METTL15: variants seen among roughly 807,000 people sequenced by gnomAD.
METTL15 encodes methyltransferase 15, mitochondrial 12S rRNA N4-cytidine.
A neutral mutation model predicts 38.3 loss-of-function variants in METTL15; 34 were observed. That is an observed-to-expected ratio of 0.89 (90% CI 0.68 to 1.18). The LOEUF (loss-of-function observed/expected upper bound fraction) is 1.18. METTL15 is among the 50% of genes most tolerant of loss of function. METTL15 has a pLI of 0.00. For synonymous variants in METTL15, 162 were observed against 170.9 expected (o/e 0.95, Z 0.41); for missense variants, 438 against 498.4 (o/e 0.88, Z 1.15).
chr11:28,243,725 G>T (rs546177674), intron 4 of METTL15, among the ~76,000 whole-genome samples: 49 of 152,158 alleles, frequency 3.2e-4, no homozygotes, highest in Non-Finnish European at 5.1e-4. Flanking sequence ...TCTTAACTAT[G>T]CAAATCCTAA....
Position 28,467,136 on chromosome 11 carries a change from C to T in METTL15, c.*424+42772C>T, listed in dbSNP as rs559405493. Among the ~76,000 whole-genome samples the T allele has an allele frequency of 2.6e-5, 4 of 152,246 alleles. No individual in the cohort carries two copies. In the East Asian group the frequency reaches 7.8e-4, roughly 30 times the overall value. ...TTATTTCAGTTGCTGCAGAGGGCAT[C>T]TCATCGAGGAGGCACTGCGGAAAAG... On this transcript the variant is annotated intron_variant and NMD_transcript_variant, in intron 6 of 7. Transcript: ENST00000532947.
At chr11:28,297,545 G>A (rs775163074) in intron 6 of METTL15, among the ~76,000 whole-genome samples, 1 of 151,976 alleles carries the variant, frequency 6.6e-6, no homozygotes, top group Non-Finnish European at 1.5e-5. Flanking sequence ...CTGCTATTTC[G>A]CTATTCACCA....
intron 6 of METTL15, chr11:28,328,228 GT>G (rs1180588713): frequency 1.3e-6 from 2 of 1,501,698 alleles, no homozygotes; most frequent in Non-Finnish European, 1.8e-6. Flanking sequence ...AGACCTGGTT[GT>G]TGGAAGATAA....
rs537528847 is a variant in METTL15 at position 28,137,240 on chromosome 11, A to C, written c.270+23636A>C. Among the ~76,000 whole-genome samples the C allele has an allele frequency of 2.0e-3, 300 of 152,302 alleles. 1 individual carries two copies. Among genetic ancestry groups the C allele is most frequent in the African/African-American group, 6.0e-3 (249 of 41,570 alleles). ...AGTTAATCAATATGTTCTCATATAGAATTTCTTTTGGAAGATTAATTTTTA... is the reference window on the plus strand; with the variant it reads ...AGTTAATCAATATGTTCTCATATAGCATTTCTTTTGGAAGATTAATTTTTA... On this transcript the variant is annotated intron_variant, in intron 3 of 6. Coordinates refer to ENST00000407364, the MANE Select transcript of METTL15 (RefSeq NM_001113528.2).
chr11:28,364,994 A>G (rs1850172315), intron 5 of METTL15, among the ~76,000 whole-genome samples: 1 of 152,072 alleles, frequency 6.6e-6, no homozygotes, highest in Non-Finnish European at 1.5e-5. Context: ...ATTTGTGTTT[A>G]TTGAACCAAC....
chr11:28,188,776 T>C (rs893718282), intron 3 of METTL15, among the ~76,000 whole-genome samples: 5 of 151,214 alleles, frequency 3.3e-5, no homozygotes, highest in African/African-American at 9.7e-5. Flanking sequence ...CCAAAGCCAA[T>C]GTAAATGGTA....
chr11:28,285,110 T>C (rs1329582763), intron 4 of METTL15, among the ~76,000 whole-genome samples: 2 of 152,118 alleles, frequency 1.3e-5, no homozygotes, highest in African/African-American at 4.8e-5. Flanking sequence ...GTGAAGAAGG[T>C]GCCTGCTTCC....
intron 5 of METTL15, among the ~76,000 whole-genome samples, chr11:28,392,610 G>T (rs34470137): frequency 0.41 from 61,577 of 151,890 alleles, 14,285 homozygotes; most frequent in Admixed American, 0.52. Flanking sequence ...TGATTTATTG[G>T]ATATAATAAC....
intron 6 of METTL15, among the ~76,000 whole-genome samples, chr11:28,491,526 G>A (rs1851494485): frequency 6.6e-6 from 1 of 152,086 alleles, no homozygotes; most frequent in African/African-American, 2.4e-5. Flanking sequence ...TGACTCTGCT[G>A]ATAAACAGGG....
intron 4 of METTL15, among the ~76,000 whole-genome samples, chr11:28,289,634 A>T (rs1180066522): frequency 2.0e-5 from 3 of 152,122 alleles, no homozygotes; most frequent in Non-Finnish European, 4.4e-5. Context: ...TCACTTCAGA[A>T]TCCCTGCTGA....
chr11:28,251,374 T>G (rs1461528438), intron 4 of METTL15, among the ~76,000 whole-genome samples: 1 of 152,150 alleles, frequency 6.6e-6, no homozygotes, highest in East Asian at 1.9e-4. Context: ...GCTGCTAACT[T>G]TAGGTTGAAC....
At chr11:28,191,555 A>C (rs191825511) in intron 3 of METTL15, among the ~76,000 whole-genome samples, 13 of 151,660 alleles carry the variant, frequency 8.6e-5, no homozygotes, top group Middle Eastern at 3.4e-3. Context: ...ATCTTTATAT[A>C]AAACTGTACA....
At chr11:28,459,879 T>C (rs971411128) in intron 6 of METTL15, among the ~76,000 whole-genome samples, 1 of 152,122 alleles carries the variant, frequency 6.6e-6, no homozygotes, top group Non-Finnish European at 1.5e-5. Flanking sequence ...CTTATGTGTA[T>C]GTAGAGAAAT....
At chr11:28,180,619 A>G (rs1158265866) in intron 3 of METTL15, among the ~76,000 whole-genome samples, 8 of 151,804 alleles carry the variant, frequency 5.3e-5, no homozygotes, top group African/African-American at 1.7e-4. Flanking sequence ...ACTTCTCTTC[A>G]ACCTTTCTTT....
intron 3 of METTL15, among the ~76,000 whole-genome samples, chr11:28,184,303 T>G (rs1166176327): frequency 6.6e-6 from 1 of 152,202 alleles, no homozygotes; most frequent in African/African-American, 2.4e-5. Flanking sequence ...TTCTGCTAGC[T>G]TTTGAAACTG....
rs72884037 is a variant in METTL15, at chr11:28,522,800, C to T, written c.*425-3678C>T. ...GAATTAAGCAGAGTAAACATGAGAC[C>T]GTGAGATCAGGAGGAAAGCTACATA... On this transcript the variant is annotated intron_variant and NMD_transcript_variant, in intron 6 of 7. Coordinates refer to the METTL15 transcript ENST00000532947. Among the ~76,000 whole-genome samples, 545 of 152,146 alleles carry T rather than the reference C, an allele frequency of 3.6e-3. 3 individuals are homozygous for T. The highest frequency in any genetic ancestry group is 5.6e-3 in the Non-Finnish European group (384 of 67,996).
At chr11:28,151,571 C>T (rs1195727215) in intron 3 of METTL15, among the ~76,000 whole-genome samples, 1 of 151,948 alleles carries the variant, frequency 6.6e-6, no homozygotes, top group Admixed American at 6.6e-5. Context: ...TTTGCACTTG[C>T]TTCTGTCCAT....
chr11:28,368,394 C>T lies in METTL15; in HGVS notation c.*358+6358C>T, dbSNP rs1021002941. 1.4e-4 allele frequency among the ~76,000 whole-genome samples: 22 copies of T among 151,880 alleles called. 1 individual carries two copies. Among genetic ancestry groups the T allele is most frequent in the African/African-American group, 4.8e-4 (20 of 41,444 alleles). ...GACATTTATGCAGCCAACAGACATA[C>T]GAAAAAAAGCTCATCATCACTGTTC... On this transcript the variant is annotated intron_variant and NMD_transcript_variant, in intron 5 of 7. Coordinates refer to the METTL15 transcript ENST00000532947.
intron 5 of METTL15, among the ~76,000 whole-genome samples, chr11:28,381,354 G>T (rs1403391480): frequency 1.3e-5 from 2 of 151,834 alleles, no homozygotes; most frequent in Non-Finnish European, 2.9e-5. Context: ...ACTTTTATTT[G>T]GTTGATTCTC....
Sources: gnomAD v4.1 joint callset for allele counts (sites outside exome capture counted in the v4.1 genomes callset) on GRCh38, gnomAD v4.1.1 for gene constraint, MANE v1.5 for transcripts, NCBI Gene and HGNC (gene_info 2026-07-23, HGNC 2026-07-21) for gene names.